The following BEST3 variants were observed in gnomAD, a reference collection of about 807,000 sequenced individuals.
The protein encoded by BEST3 is bestrophin-3.
A neutral mutation model predicts 47.1 loss-of-function variants in BEST3; 50 were observed. The ratio of observed to expected loss-of-function variants is 1.06; its 90% CI spans 0.85 to 1.34. The LOEUF (loss-of-function observed/expected upper bound fraction) is 1.34, where lower values mean the gene tolerates loss of function less well. BEST3 is among the 40% of genes most tolerant of loss of function. The pLI is 0.00. For synonymous variants in BEST3, 282 were observed against 298.8 expected, an observed-to-expected ratio of 0.94 and a Z score of 0.58; for missense variants, 765 against 817.0, an observed-to-expected ratio of 0.94 and a Z score of 0.78.
intron 9 of BEST3, among the ~76,000 whole-genome samples, chr12:69,663,680 G>A (rs1464396745): frequency 2.0e-5 from 3 of 152,086 alleles, no homozygotes; most frequent in Non-Finnish European, 4.4e-5. Flanking sequence ...AAAAAGCCAG[G>A]CATGGTGTCA....
At chr12:69,679,496 A>G (rs1267349370) in intron 4 of BEST3, among the ~76,000 whole-genome samples, 2 of 152,198 alleles carry the variant, frequency 1.3e-5, no homozygotes, top group Non-Finnish European at 2.9e-5. Context: ...TTCCCTTACT[A>G]TGACCCTTTT....
chr12:69,646,382 G>C (rs1006170789), intron 9 of BEST3, among the ~76,000 whole-genome samples: 15 of 152,082 alleles, frequency 9.9e-5, no homozygotes, highest in Admixed American at 8.5e-4. Context: ...TACTAACTTT[G>C]GATCTAGATC....
intron 9 of BEST3, among the ~76,000 whole-genome samples, chr12:69,645,666 A>G (rs982203296): frequency 1.3e-5 from 2 of 152,192 alleles, no homozygotes; most frequent in Admixed American, 6.5e-5. Context: ...ATTGTTGTGT[A>G]ACCTGTAGCA....
chr12:69,668,482 T>C (rs954203565), intron 9 of BEST3, among the ~76,000 whole-genome samples: 8 of 152,340 alleles, frequency 5.3e-5, no homozygotes, highest in Non-Finnish European at 7.3e-5. Flanking sequence ...CTACAGTTCT[T>C]AACTTTTACC....
In BEST3 at chr12:69,664,111, T is replaced by C. The variant is rs118172047; in HGVS notation, c.1100+7317A>G. Among the ~76,000 whole-genome samples, 1,184 of 152,348 alleles carry C rather than the reference T, an allele frequency of 7.8e-3. 10 individuals carry two copies. Among genetic ancestry groups the C allele is most frequent in the Admixed American group, 0.013 (192 of 15,294 alleles). Reference sequence around the variant, plus strand: ...ATTTTGGGGACTGCATTCAGATTTTTAACTGGCCTTTTTTCATTTGGAGTG... The same window carrying C: ...ATTTTGGGGACTGCATTCAGATTTTCAACTGGCCTTTTTTCATTTGGAGTG... On this transcript the variant is annotated intron_variant, in intron 9 of 9. Coordinates refer to ENST00000330891, the MANE Select transcript of BEST3 (RefSeq NM_032735.3).
At chr12:69,647,967 A>G (rs1883092260) in intron 9 of BEST3, among the ~76,000 whole-genome samples, 1 of 152,248 alleles carries the variant, frequency 6.6e-6, no homozygotes, top group Non-Finnish European at 1.5e-5. Flanking sequence ...TTTTCAGAAG[A>G]AGAGTCCTAA....
intron 4 of BEST3, among the ~76,000 whole-genome samples, chr12:69,689,707 C>G (rs1039770000): frequency 6.6e-6 from 1 of 152,170 alleles, no homozygotes; most frequent in Non-Finnish European, 1.5e-5. Context: ...ATTCTCTTCT[C>G]CCTTCATCCG....
At chr12:69,694,686 G>A (rs1886069260) in intron 2 of BEST3, among the ~76,000 whole-genome samples, 1 of 151,818 alleles carries the variant, frequency 6.6e-6, no homozygotes, top group African/African-American at 2.4e-5. Context: ...TTAAATAGTG[G>A]GATTAATTAA....
In BEST3 at chr12:69,693,682, A is replaced by G; in HGVS notation, c.473T>C (p.Val158Ala). 6.2e-7 allele frequency: 1 copy of G among 1,608,416 alleles called. No homozygotes were observed. The highest frequency in any genetic ancestry group is 1.7e-4 in the Middle Eastern group (1 of 5,946). The change falls in exon 4 of 10, where the codon GTT becomes GCT. Residue 158 changes from valine (V) to alanine (A), a missense_variant. Coordinates refer to ENST00000330891, the MANE Select transcript of BEST3 (RefSeq NM_032735.3). ...AAAGCCATTCATAGTACCTGCTTCA[A>G]CCACGTGGTCCATTGTGGGAAATCT... is the stretch of plus-strand genomic sequence containing the variant. ...YKRFPTMDHV[V>A]EAGFMTTDER...
At chr12:69,693,528 G>C (rs1017627056) in intron 4 of BEST3, 146 bp downstream of exon 4, 16 of 692,198 alleles carry the variant, frequency 2.3e-5, no homozygotes, top group Non-Finnish European at 3.8e-5. Flanking sequence ...ACCTTCCAAA[G>C]TGCTGGGATT....
In BEST3 at chr12:69,655,586, G is replaced by A; in HGVS notation, c.1328C>T (p.Pro443Leu). The A allele has an allele frequency of 6.2e-7, 1 of 1,613,986 alleles. No individual in the cohort carries two copies. The highest frequency in any genetic ancestry group is 1.3e-5 in the African/African-American group (1 of 74,996). Residue 443 changes from proline (P) to leucine (L), a missense_variant, in exon 10 of 10, where the codon CCC (proline) becomes CTC (leucine). Pro to Leu is a moderately conservative substitution (Grantham distance 98). Transcript: ENST00000330891. ...RDLLDVPSRN[P>L]PRASPTWKKS... ...CTTCCAGGTGGGTGAGGCCCTGGGGGGGTTTCTTGAGGGCACATCCAGTAG... is the reference window on the plus strand; with the variant it reads ...CTTCCAGGTGGGTGAGGCCCTGGGGAGGTTTCTTGAGGGCACATCCAGTAG...
chr12:69,643,529 C>T, downstream of BEST3: 1 of 452,904 alleles, frequency 2.2e-6, no homozygotes. Flanking sequence ...ATTAAAATCT[C>T]CTGGGAAGGT....
intron 9 of BEST3, among the ~76,000 whole-genome samples, chr12:69,658,548 TAAA>T (rs1350471859): frequency 6.6e-6 from 1 of 152,270 alleles, no homozygotes; most frequent in African/African-American, 2.4e-5. Context: ...TTCACCCGAC[TAAA>T]TTTATTGAGC....
intron 7 of BEST3, 137 bp downstream of exon 7, chr12:69,676,779 A>G: frequency 2.1e-6 from 2 of 959,502 alleles, no homozygotes; most frequent in East Asian, 2.4e-5. Flanking sequence ...GAAAAGTAAT[A>G]ACATTGCTGA....
chr12:69,673,418 T>C (rs1217102013), intron 7 of BEST3, among the ~76,000 whole-genome samples: 4 of 152,156 alleles, frequency 2.6e-5, no homozygotes, highest in African/African-American at 9.7e-5. Context: ...GAAAATAATA[T>C]AAGAGGCTTT....
At chr12:69,697,403 C>T (rs973374844) in intron 2 of BEST3, among the ~76,000 whole-genome samples, 3 of 152,116 alleles carry the variant, frequency 2.0e-5, no homozygotes, top group Admixed American at 1.3e-4. Flanking sequence ...GCAACAGTCT[C>T]GAGGCACAAC....
chr12:69,693,756 A>T lies in BEST3; in HGVS notation c.399T>A (p.Asn133Lys). 3 of 1,614,138 alleles carry T rather than the reference A, an allele frequency of 1.9e-6. No homozygotes were observed. The highest frequency in any genetic ancestry group is 2.5e-6 in the Non-Finnish European group (3 of 1,180,030). Reference sequence around the variant, plus strand: ...AGCGAAAGATGAGCAGGGAGGTGAGATTGACGTAGCGCATCAGCGTCCTTC... The same window carrying T: ...AGCGAAAGATGAGCAGGGAGGTGAGTTTGACGTAGCGCATCAGCGTCCTTC... Reference protein sequence around the residue: ...LLRRTLMRYVNLTSLLIFRSV... With the variant: ...LLRRTLMRYVKLTSLLIFRSV... Residue 133 changes from asparagine (N) to lysine (K), a missense_variant, in exon 4 of 10, where the codon AAT (asparagine) becomes AAA (lysine). Physicochemically the swap from Asn to Lys is moderately conservative, Grantham distance 94. Coordinates refer to ENST00000330891, the MANE Select transcript of BEST3 (RefSeq NM_032735.3).
chr12:69,655,053 T>C lies in BEST3; in HGVS notation c.1861A>G (p.Thr621Ala). ...CCACTGATCTCTGAGGATGTTTCTG[T>C]GTCAATTAAAAGAGCTGGCTGAGAG... Reference protein sequence around the residue: ...MSSQPALLIDTETSSEISGIN... With the variant: ...MSSQPALLIDAETSSEISGIN... The change falls in exon 10 of 10, where the codon ACA becomes GCA. Residue 621 changes from threonine to alanine, a missense_variant. Physicochemically the swap from Thr to Ala is moderately conservative, Grantham distance 58. Coordinates refer to ENST00000330891, the MANE Select transcript of BEST3 (RefSeq NM_032735.3). 2 of 1,614,170 alleles carry C rather than the reference T, an allele frequency of 1.2e-6. No individual in the cohort carries two copies. Among genetic ancestry groups the C allele is most frequent in the Non-Finnish European group, 1.7e-6 (2 of 1,180,020 alleles).
At chr12:69,679,031 GT>G in intron 4 of BEST3, 138 bp from the exon 5 acceptor site, 2 of 733,750 alleles carry the variant, frequency 2.7e-6, no homozygotes, top group Non-Finnish European at 4.4e-6. Flanking sequence ...GTCTCAAGTA[GT>G]TTATACTTGC....
Sources: allele counts gnomAD v4.1 joint callset (sites outside exome capture counted in the v4.1 genomes callset), GRCh38; gene constraint gnomAD v4.1.1; transcripts MANE v1.5; gene names NCBI Gene and HGNC (gene_info 2026-07-23, HGNC 2026-07-21).